Variants in ROBO2 observed in about 807,000 individuals in gnomAD.
The protein encoded by ROBO2 is roundabout guidance receptor 2, also known as roundabout homolog 2.
Under a neutral mutation model 160.8 loss-of-function variants are expected in ROBO2, and 53 were observed. The ratio of observed to expected loss-of-function variants is 0.33; its 90% CI spans 0.26 to 0.41. The LOEUF (loss-of-function observed/expected upper bound fraction) is 0.41, where lower values mean the gene tolerates loss of function less well. ROBO2 is among the 10% of genes least tolerant of loss of function. The pLI is 1.00. For missense variants in ROBO2, 1,577 were observed against 1,722.4 expected, an observed-to-expected ratio of 0.92 and a Z score of 1.49; for synonymous variants, 664 against 611.7, an observed-to-expected ratio of 1.09 and a Z score of -1.26.
intron 2 of ROBO2, among the ~76,000 whole-genome samples, chr3:76,278,254 C>T (rs1461721506): frequency 6.6e-6 from 1 of 151,916 alleles, no homozygotes; most frequent in South Asian, 2.1e-4. Context: ...GATCAAGTTC[C>T]AAAAGTTTGT....
At chr3:76,371,224 A>G (rs2076082819) in intron 2 of ROBO2, among the ~76,000 whole-genome samples, 1 of 152,010 alleles carries the variant, frequency 6.6e-6, no homozygotes, top group Non-Finnish European at 1.5e-5. Flanking sequence ...TCATTAAAAT[A>G]AAGATGATTT....
chr3:77,264,330 C>CT, intron 2 of ROBO2, among the ~76,000 whole-genome samples: 1 of 152,284 alleles, frequency 6.6e-6, no homozygotes, highest in Admixed American at 6.5e-5. Flanking sequence ...TTTTTAACAA[C>CT]TCCTGACTTT....
intron 2 of ROBO2, among the ~76,000 whole-genome samples, chr3:76,304,514 T>C (rs769264733): frequency 2.0e-5 from 3 of 152,210 alleles, no homozygotes; most frequent in South Asian, 4.1e-4. Flanking sequence ...ACTGTCTCTT[T>C]GATTAAATCC....
intron 2 of ROBO2, among the ~76,000 whole-genome samples, chr3:75,968,804 T>C (rs656099): frequency 0.15 from 2,527 of 16,706 alleles, 594 homozygotes; most frequent in Middle Eastern, 0.37. Flanking sequence ...TTTTAGATAG[T>C]ACATAGATAG....
At chr3:77,316,656 C>G in intron 2 of ROBO2, 1 of 646,624 alleles carries the variant, frequency 1.5e-6, no homozygotes, top group Middle Eastern at 4.4e-4. Flanking sequence ...TTTAGCAATA[C>G]TTGCATCCCA....
intron 2 of ROBO2, among the ~76,000 whole-genome samples, chr3:76,974,351 A>C (rs947681293): frequency 1.3e-5 from 2 of 152,030 alleles, no homozygotes; most frequent in African/African-American, 4.8e-5. Flanking sequence ...TATTATTTAG[A>C]CAAAGGAAAA....
chr3:77,584,419 T>C (rs2093991292), intron 16 of ROBO2, among the ~76,000 whole-genome samples: 2 of 152,334 alleles, frequency 1.3e-5, no homozygotes, highest in South Asian at 2.1e-4. Flanking sequence ...ATAAGAAATC[T>C]TCTTCCTAGA....
intron 2 of ROBO2, among the ~76,000 whole-genome samples, chr3:75,976,680 A>G (rs2065141950): frequency 6.6e-6 from 1 of 151,598 alleles, no homozygotes. Context: ...ATTTTCAATA[A>G]TTCATATTAA....
chr3:76,628,324 ACCGCAACCCCAAACT>A (rs1016759186), intron 2 of ROBO2, among the ~76,000 whole-genome samples: 9 of 151,768 alleles, frequency 5.9e-5, no homozygotes, highest in African/African-American at 1.5e-4. Context: ...ATCACAGCTT[ACCGCAACCCCAAACT>A]CCGCAACCCC....
At chr3:76,546,409 C>G (rs1250161221) in intron 2 of ROBO2, among the ~76,000 whole-genome samples, 1 of 151,768 alleles carries the variant, frequency 6.6e-6, no homozygotes, top group African/African-American at 2.4e-5. Context: ...ATCCTTAGAA[C>G]CTGTGTATAT....
In ROBO2 at chr3:76,155,549, A is replaced by G. The variant is rs2072373955; in HGVS notation, c.109+217947A>G. ...TAAAACCAAACAAGAAGGGATTACA[A>G]GAAAAGTCATAACAGGGGCTGCTTT... is the stretch of plus-strand genomic sequence containing the variant. On this transcript the variant is annotated intron_variant, in intron 2 of 26. Coordinates refer to the ROBO2 transcript ENST00000487694. Among the ~76,000 whole-genome samples, 4 of 152,214 alleles carry G rather than the reference A, an allele frequency of 2.6e-5. No individual in the cohort carries two copies. In the South Asian group the frequency reaches 6.2e-4, roughly 24 times the overall value.
chr3:76,711,513 G>T (rs2093293522), intron 2 of ROBO2, among the ~76,000 whole-genome samples: 1 of 152,160 alleles, frequency 6.6e-6, no homozygotes, highest in African/African-American at 2.4e-5. Context: ...TAGACAAAGG[G>T]AAAGGTGATT....
At chr3:76,575,123 C>T (rs2085206970) in intron 2 of ROBO2, among the ~76,000 whole-genome samples, 1 of 152,042 alleles carries the variant, frequency 6.6e-6, no homozygotes, top group Non-Finnish European at 1.5e-5. Flanking sequence ...GAGATAGGGT[C>T]TTGCTAAGTT....
chr3:77,519,188 C>T (rs1447261412), intron 5 of ROBO2, among the ~76,000 whole-genome samples: 1 of 151,320 alleles, frequency 6.6e-6, no homozygotes, highest in Non-Finnish European at 1.5e-5. Flanking sequence ...TATCCCTGAT[C>T]AACGTACCAT....
chr3:76,955,775 A>C (rs533193850), intron 2 of ROBO2, among the ~76,000 whole-genome samples: 3 of 152,116 alleles, frequency 2.0e-5, no homozygotes, highest in Non-Finnish European at 4.4e-5. Flanking sequence ...TAACTTCACA[A>C]AAATTAGCCA....
chr3:76,185,249 G>T (rs966289580), intron 2 of ROBO2, among the ~76,000 whole-genome samples: 14 of 79,744 alleles, frequency 1.8e-4, no homozygotes, highest in Non-Finnish European at 2.6e-4. Flanking sequence ...ACATATTTAT[G>T]TAATATGGAT....
intron 2 of ROBO2, among the ~76,000 whole-genome samples, chr3:76,963,887 A>AGAAAAT (rs1341182193): frequency 6.6e-6 from 1 of 151,550 alleles, no homozygotes; most frequent in African/African-American, 2.4e-5. Flanking sequence ...AAAAAGAAAA[A>AGAAAAT]GAAAATGAAA....
At chr3:76,930,500 G>T (rs1473201141) in intron 2 of ROBO2, among the ~76,000 whole-genome samples, 1 of 152,014 alleles carries the variant, frequency 6.6e-6, no homozygotes, top group Non-Finnish European at 1.5e-5. Flanking sequence ...TATTCAGTTT[G>T]CTTAATTATC....
At chr3:76,229,357 T>C (rs1264817250) in intron 2 of ROBO2, among the ~76,000 whole-genome samples, 1 of 152,160 alleles carries the variant, frequency 6.6e-6, no homozygotes, top group Non-Finnish European at 1.5e-5. Context: ...CAGTTTAGTT[T>C]AATTCAAAGT....
Sources: gnomAD v4.1 joint callset for allele counts (sites outside exome capture counted in the v4.1 genomes callset) on GRCh38, gnomAD v4.1.1 for gene constraint, MANE v1.5 for transcripts, NCBI Gene and HGNC (gene_info 2026-07-23, HGNC 2026-07-21) for gene names.